The following ZBTB17 variants were observed in gnomAD, a reference collection of about 807,000 sequenced individuals.
ZBTB17 encodes zinc finger and BTB domain-containing protein 17.
A neutral mutation model predicts 85.1 loss-of-function variants in ZBTB17; 24 were observed. The observed-to-expected ratio is 0.28, with a 90% CI of 0.20 to 0.40. The LOEUF is 0.40. Among genes scored for constraint, ZBTB17 ranks in the 10% least tolerant of loss-of-function variants. The pLI, the probability that ZBTB17 is intolerant of heterozygous loss-of-function variation, is 1.00. For missense variants in ZBTB17, 743 were observed against 1,105.1 expected (o/e 0.67, Z 4.65); for synonymous variants, 464 against 460.2 (o/e 1.01, Z -0.11).
Position 15,944,703 on chromosome 1 carries a change from G to A in ZBTB17, c.1064C>T (p.Thr355Met), listed in dbSNP as rs1252948738. 4 of 1,608,052 alleles carry A rather than the reference G, an allele frequency of 2.5e-6. No individual in the cohort carries two copies. The highest frequency in any genetic ancestry group is 2.2e-5 in the South Asian group (2 of 91,082). The change falls in exon 8 of 16, where the codon ACG becomes ATG. Residue 355 changes from threonine (T) to methionine (M), a missense_variant. By Grantham distance (81) the Thr-to-Met change is moderately conservative. Transcript: ENST00000375743. Reference protein sequence around the residue: ...DPAACKAHEKTHSPLKPYGCE... With the variant: ...DPAACKAHEKMHSPLKPYGCE... ...GGCCGGCTTGGGGCAGTACCTGTGCGTCTTCTCATGGGCCTTGCACGCGGC... is the reference window on the plus strand; with the variant it reads ...GGCCGGCTTGGGGCAGTACCTGTGCATCTTCTCATGGGCCTTGCACGCGGC...
intron 10 of ZBTB17, 32 bp from the exon 11 acceptor site, chr1:15,943,747 G>A: frequency 6.2e-7 from 1 of 1,612,814 alleles, no homozygotes; most frequent in Non-Finnish European, 8.5e-7. Flanking sequence ...ACCTGGCGTG[G>A]GGCACCACCG....
intron 2 of ZBTB17, among the ~76,000 whole-genome samples, chr1:15,956,923 G>A (rs1444994648): frequency 6.6e-6 from 1 of 152,220 alleles, no homozygotes; most frequent in Non-Finnish European, 1.5e-5. Context: ...GCTCACGCCT[G>A]TAATCCCAGC....
At chr1:15,948,893 G>GA (rs2071720931) in intron 2 of ZBTB17, among the ~76,000 whole-genome samples, 1 of 152,234 alleles carries the variant, frequency 6.6e-6, no homozygotes, top group African/African-American at 2.4e-5. Flanking sequence ...AAGAATGCAT[G>GA]ACAATCTCAG....
chr1:15,945,237 C>T (rs1188294944), intron 6 of ZBTB17, 35 bp from the exon 7 acceptor site: 2 of 1,546,304 alleles, frequency 1.3e-6, no homozygotes, highest in Admixed American at 2.0e-5. Flanking sequence ...AGGCGGCAGC[C>T]CTCTCTGCCT....
intron 3 of ZBTB17, chr1:15,947,377 C>A: frequency 2.0e-6 from 1 of 499,848 alleles, no homozygotes. Flanking sequence ...TGTGAACGCC[C>A]ACCCTGCACA....
intron 5 of ZBTB17, 114 bp from the exon 6 acceptor site, chr1:15,945,954 A>G: frequency 6.4e-7 from 1 of 1,551,880 alleles, no homozygotes; most frequent in Non-Finnish European, 8.8e-7. Flanking sequence ...GGGAGGCCCC[A>G]GCACACCCCT....
chr1:15,948,036 C>T, intron 3 of ZBTB17: 1 of 556,632 alleles, frequency 1.8e-6, no homozygotes, highest in Non-Finnish European at 3.2e-6. Flanking sequence ...GAGGCCTTTC[C>T]TGTGTTCACT....
At position 15,945,182 on chromosome 1, in the gene ZBTB17, G is replaced by A. The variant is rs761831344; in HGVS notation, c.682C>T (p.Arg228Trp). 4.5e-6 allele frequency: 7 copies of A among 1,556,716 alleles called. No individual in the cohort carries two copies. Among genetic ancestry groups the A allele is most frequent in the East Asian group, 2.4e-5 (1 of 41,570 alleles). Reference protein sequence around the residue: ...SEQEMEVEPARKGEEEQKEQE... With the variant: ...SEQEMEVEPAWKGEEEQKEQE... ...TCCTTTTGCTCCTCTTCCCCTTTCC[G>A]GGCGGGCTCCACCTCCATTTCTGCG... Residue 228 changes from arginine (R) to tryptophan (W), a missense_variant, in exon 7 of 16, where the codon CGG (arginine) becomes TGG (tryptophan). Transcript: ENST00000375743.
At chr1:15,965,048 A>G (rs898961058) in intron 2 of ZBTB17, among the ~76,000 whole-genome samples, 1 of 151,018 alleles carries the variant, frequency 6.6e-6, no homozygotes, top group African/African-American at 2.4e-5. Context: ...TGGGAGGCGG[A>G]GTTTGCAGTG....
At chr1:15,956,473 T>C (rs2072048552) in intron 2 of ZBTB17, among the ~76,000 whole-genome samples, 1 of 152,248 alleles carries the variant, frequency 6.6e-6, no homozygotes, top group Admixed American at 6.5e-5. Flanking sequence ...CTTCTGGTGC[T>C]TGTTAACTGA....
At chr1:15,946,106 G>A (rs781440200) in intron 5 of ZBTB17, 48 bp downstream of exon 5, 26 of 1,600,578 alleles carry the variant, frequency 1.6e-5, no homozygotes, top group Non-Finnish European at 2.1e-5. Context: ...TGCCCAGGCT[G>A]CTGGGAGGTG....
At chr1:15,970,353 A>C (rs1332135353) in intron 2 of ZBTB17, among the ~76,000 whole-genome samples, 1 of 136,320 alleles carries the variant, frequency 7.3e-6, no homozygotes, top group African/African-American at 2.9e-5. Context: ...CTCACTATGC[A>C]CTTTGGACTT....
chr1:15,971,363 T>A (rs1312279461), intron 2 of ZBTB17, among the ~76,000 whole-genome samples: 2 of 116,360 alleles, frequency 1.7e-5, no homozygotes, highest in African/African-American at 7.0e-5. Context: ...ACACACACAA[T>A]ATATATATAT....
At chr1:15,962,755 C>T (rs1023745533) in intron 2 of ZBTB17, among the ~76,000 whole-genome samples, 3 of 152,142 alleles carry the variant, frequency 2.0e-5, no homozygotes, top group African/African-American at 7.2e-5. Context: ...CTTCCTTATA[C>T]TAATGAGTGC....
chr1:15,942,790 G>C (rs752218121), intron 13 of ZBTB17, 52 bp from the exon 14 acceptor site: 3 of 1,590,776 alleles, frequency 1.9e-6, no homozygotes, highest in Non-Finnish European at 2.6e-6. Flanking sequence ...CGCAGGGATG[G>C]GGTGGGAGGC....
At chr1:15,967,469 A>G (rs1355255521) in intron 2 of ZBTB17, among the ~76,000 whole-genome samples, 6 of 151,958 alleles carry the variant, frequency 3.9e-5, no homozygotes, top group Admixed American at 3.9e-4. Flanking sequence ...GCTTGCGCCC[A>G]GGAGTTTGGG....
chr1:15,975,028 C>T (rs1264850369), intron 1 of ZBTB17, among the ~76,000 whole-genome samples: 1 of 152,212 alleles, frequency 6.6e-6, no homozygotes, highest in Non-Finnish European at 1.5e-5. Flanking sequence ...ACAGAAGCCT[C>T]CCGGGATTCC....
rs1478497362 is a variant in ZBTB17, at chr1:15,942,006, G to C, written c.2375C>G (p.Ser792Cys). Residue 792 changes from serine (S) to cysteine (C), a missense_variant, in exon 16 of 16, where the codon TCC becomes TGC. By Grantham distance (112) the Ser-to-Cys change is moderately radical (BLOSUM62 -1). This residue lies in a region of ZBTB17 where 69 missense variants were observed against 77.0 expected (regional missense o/e 0.90). Transcript: ENST00000375743. ...CGGGGGACATTCAGGAGCTGTAGGG[G>C]AGGTCTCTGCCAGTGCGGGCTGGCC... is the stretch of plus-strand genomic sequence containing the variant. ...AEGQPALAET[S>C]PTAPECPPPA... is the part of the protein sequence containing the mutation. The C allele has an allele frequency of 6.2e-7, 1 of 1,604,984 alleles. No individual in the cohort carries two copies. The highest frequency in any genetic ancestry group is 1.1e-5 in the South Asian group (1 of 90,986).
chr1:15,957,955 G>A (rs527696601), intron 2 of ZBTB17, among the ~76,000 whole-genome samples: 2 of 152,294 alleles, frequency 1.3e-5, no homozygotes, highest in South Asian at 2.1e-4. Context: ...ATGTCTGCTT[G>A]TAGAGACGGT....
Sources: allele counts gnomAD v4.1 joint callset (sites outside exome capture counted in the v4.1 genomes callset), GRCh38; gene constraint gnomAD v4.1.1; regional missense constraint gnomAD v4.1.1; transcripts MANE v1.5; gene names NCBI Gene and HGNC (gene_info 2026-07-23, HGNC 2026-07-21).